Variants in RTL4 observed in about 807,000 individuals in gnomAD.
The protein encoded by RTL4 is retrotransposon Gag-like protein 4.
A neutral mutation model predicts 5.3 loss-of-function variants in RTL4; 4 were observed. The observed-to-expected ratio is 0.75, with a 90% CI of 0.37 to 1.72. RTL4 has a LOEUF of 1.72. Among genes scored for constraint, RTL4 ranks in the 40% most tolerant of loss-of-function variants. The pLI, the probability that RTL4 is intolerant of heterozygous loss-of-function variation, is 0.04. For synonymous variants in RTL4, 98 were observed against 87.3 expected, an observed-to-expected ratio of 1.12 and a Z score of -0.68; for missense variants, 260 against 227.1, an observed-to-expected ratio of 1.14 and a Z score of -0.93.
At chrX:112,417,815 A>G in the RTL4 span, among the ~76,000 whole-genome samples, 1 of 111,468 alleles carries the variant, frequency 9.0e-6, no homozygotes, top group Non-Finnish European at 1.9e-5. Flanking sequence ...ACAAAACAAA[A>G]CACCATCAAA....
At chrX:112,347,590 G>A in the RTL4 span, among the ~76,000 whole-genome samples, 1 of 111,731 alleles carries the variant, frequency 9.0e-6, no homozygotes, top group African/African-American at 3.2e-5. Flanking sequence ...GGTAGCTGAG[G>A]TGAGATGGGG....
the RTL4 span, among the ~76,000 whole-genome samples, chrX:112,398,583 T>C: frequency 4.6e-5 from 5 of 109,382 alleles, no homozygotes; most frequent in East Asian, 2.9e-4. Context: ...GTATTTTTAG[T>C]AGAGACGGGT....
the RTL4 span, among the ~76,000 whole-genome samples, chrX:112,339,351 A>G: frequency 8.9e-6 from 1 of 111,853 alleles, no homozygotes; most frequent in Non-Finnish European, 1.9e-5. Flanking sequence ...TTGCAAACTG[A>G]GATTGTCCCA....
chrX:112,188,707 AAAACAAAC>A, the RTL4 span, among the ~76,000 whole-genome samples: 1 of 106,635 alleles, frequency 9.4e-6, no homozygotes. Flanking sequence ...CTTGGAATAG[AAAACAAAC>A]AAACAAACAA....
At chrX:112,100,468 T>C in the RTL4 span, among the ~76,000 whole-genome samples, 1 of 112,188 alleles carries the variant, frequency 8.9e-6, no homozygotes, top group African/African-American at 3.2e-5. Flanking sequence ...TGATGCAGCA[T>C]GACAGTTTAT....
the RTL4 span, among the ~76,000 whole-genome samples, chrX:112,295,512 C>T: frequency 1.8e-5 from 2 of 112,694 alleles, no homozygotes; most frequent in African/African-American, 6.4e-5. Flanking sequence ...ACTGCAGGTG[C>T]CTGCCTGCCA....
the RTL4 span, among the ~76,000 whole-genome samples, chrX:112,150,291 A>G: frequency 9.0e-6 from 1 of 111,568 alleles, no homozygotes; most frequent in Admixed American, 9.5e-5. Context: ...TTCTCTCTGG[A>G]AAGAGCAGAG....
At chrX:112,265,216 T>C in the RTL4 span, among the ~76,000 whole-genome samples, 1 of 112,831 alleles carries the variant, frequency 8.9e-6, no homozygotes. Flanking sequence ...CTCTACTACC[T>C]GGATTCTTAT....
chrX:112,114,094 G>T, the RTL4 span, among the ~76,000 whole-genome samples: 2 of 111,738 alleles, frequency 1.8e-5, no homozygotes, highest in African/African-American at 6.5e-5. Context: ...CAGGTGATAC[G>T]GGAGTGTATT....
the RTL4 span, among the ~76,000 whole-genome samples, chrX:112,225,793 C>T: frequency 8.9e-6 from 1 of 112,151 alleles, no homozygotes; most frequent in East Asian, 2.8e-4. Context: ...CCCCAAAAAG[C>T]TTTGTGAATG....
At chrX:112,091,607 C>G in the RTL4 span, among the ~76,000 whole-genome samples, 54 of 111,732 alleles carry the variant, frequency 4.8e-4, no homozygotes, top group African/African-American at 1.7e-3. Flanking sequence ...AGATAGGATA[C>G]TTTGTATTAT....
chrX:112,205,817 C>T, the RTL4 span, among the ~76,000 whole-genome samples: 1 of 111,847 alleles, frequency 8.9e-6, no homozygotes, highest in African/African-American at 3.3e-5. Flanking sequence ...GGGAAACAGC[C>T]AAGTCAATGA....
the RTL4 span, among the ~76,000 whole-genome samples, chrX:112,206,763 T>A: frequency 8.9e-6 from 1 of 111,968 alleles, no homozygotes; most frequent in Non-Finnish European, 1.9e-5. Flanking sequence ...TTTCTGGACA[T>A]GTCTTGAGTA....
the RTL4 span, among the ~76,000 whole-genome samples, chrX:112,098,606 T>C: frequency 8.1e-5 from 9 of 111,327 alleles, no homozygotes; most frequent in African/African-American, 3.0e-4. Context: ...TTTCTCCACA[T>C]GCTTTCCAGC....
chrX:112,234,464 C>T, the RTL4 span, among the ~76,000 whole-genome samples: 4 of 111,190 alleles, frequency 3.6e-5, no homozygotes, highest in African/African-American at 1.3e-4. Flanking sequence ...CATACCCCTC[C>T]ACTGCAGTGG....
chrX:112,265,707 G>C, the RTL4 span, among the ~76,000 whole-genome samples: 2 of 110,726 alleles, frequency 1.8e-5, no homozygotes, highest in Non-Finnish European at 3.8e-5. Flanking sequence ...CTTGCAATGT[G>C]GTCAGGCCCC....
the RTL4 span, among the ~76,000 whole-genome samples, chrX:112,282,187 C>T: frequency 8.9e-6 from 1 of 112,118 alleles, no homozygotes; most frequent in Non-Finnish European, 1.9e-5. Flanking sequence ...AGTGTAATTT[C>T]ATTCTTCTTC....
chrX:112,452,162 C>G (rs1021594307), upstream of RTL4, among the ~76,000 whole-genome samples: 4 of 104,283 alleles, frequency 3.8e-5, no homozygotes, highest in African/African-American at 1.1e-4. Context: ...ATGGTCTTGG[C>G]TCACTGCAAC....
the RTL4 span, among the ~76,000 whole-genome samples, chrX:112,385,567 C>G: frequency 9.0e-6 from 1 of 111,616 alleles, no homozygotes; most frequent in Non-Finnish European, 1.9e-5. Context: ...ATCTTCGTGT[C>G]TATCGCTCCA....
Sources: allele counts gnomAD v4.1 joint callset (sites outside exome capture counted in the v4.1 genomes callset), GRCh38; gene constraint gnomAD v4.1.1; transcripts MANE v1.5; gene names NCBI Gene and HGNC (gene_info 2026-07-23, HGNC 2026-07-21).